Variants in ECT2 observed in about 807,000 individuals in gnomAD.
ECT2 encodes the protein epithelial cell transforming 2, also known as protein ECT2.
A neutral mutation model predicts 116.9 loss-of-function variants in ECT2; 61 were observed. The observed-to-expected ratio is 0.52, with a 90% CI of 0.42 to 0.65. The LOEUF is 0.65. Ranked by LOEUF, ECT2 falls within the 30% of genes least tolerant of loss-of-function variation. The pLI is 0.00. For synonymous variants in ECT2, 358 were observed against 346.4 expected (o/e 1.03, Z -0.37); for missense variants, 937 against 1,078.7 (o/e 0.87, Z 1.84).
chr3:172,758,719 T>C (rs1307618068), intron 5 of ECT2, among the ~76,000 whole-genome samples: 1 of 152,222 alleles, frequency 6.6e-6, no homozygotes, highest in Non-Finnish European at 1.5e-5. Context: ...GCATTTAATA[T>C]TTGTTTAATT....
At chr3:172,758,042 T>C (rs1210667473) in intron 5 of ECT2, among the ~76,000 whole-genome samples, 1 of 152,160 alleles carries the variant, frequency 6.6e-6, no homozygotes, top group Non-Finnish European at 1.5e-5. Flanking sequence ...CTATTTTTAG[T>C]AGAGACAGGA....
intron 20 of ECT2, among the ~76,000 whole-genome samples, chr3:172,803,520 C>A (rs1727101211): frequency 6.6e-6 from 1 of 151,748 alleles, no homozygotes; most frequent in Non-Finnish European, 1.5e-5. Context: ...TTTGTATTAC[C>A]CCTGCAAGCA....
intron 22 of ECT2, among the ~76,000 whole-genome samples, chr3:172,812,942 C>T (rs188764320): frequency 6.6e-6 from 1 of 152,134 alleles, no homozygotes; most frequent in African/African-American, 2.4e-5. Flanking sequence ...TGTGATCCCT[C>T]TACTATGAGA....
chr3:172,822,339 A>C (rs1326443565), downstream of ECT2, among the ~76,000 whole-genome samples: 1 of 151,994 alleles, frequency 6.6e-6, no homozygotes, highest in Non-Finnish European at 1.5e-5. Context: ...TCTAACAGAA[A>C]CATCAAGCAT....
intron 13 of ECT2, among the ~76,000 whole-genome samples, chr3:172,771,877 A>T (rs556383859): frequency 6.6e-6 from 1 of 152,330 alleles, no homozygotes; most frequent in East Asian, 1.9e-4. Context: ...TTTCGTAATG[A>T]CTAATGATGT....
In ECT2 at chr3:172,813,080, AC is replaced by A. The variant is rs540798526; in HGVS notation, c.2401-2522del. On this transcript the variant is annotated intron_variant, in intron 22 of 24. Coordinates refer to ENST00000392692, the MANE Select transcript of ECT2 (RefSeq NM_001258315.2). Reference sequence around the variant, plus strand: ...ATATTCAGTTGTTTTACAAACGATTACCTAGATAGTTCACAAGAACCAACCA... The same window carrying A: ...ATATTCAGTTGTTTTACAAACGATTACTAGATAGTTCACAAGAACCAACCA... 1.1e-3 allele frequency among the ~76,000 whole-genome samples: 161 copies of A among 152,228 alleles called. 2 individuals are homozygous for A. The highest frequency in any genetic ancestry group is 9.2e-3 in the Admixed American group (140 of 15,278).
chr3:172,820,032 CTTAA>C, intron 24 of ECT2, 112 bp from the exon 25 acceptor site: 1 of 653,348 alleles, frequency 1.5e-6, no homozygotes, highest in Non-Finnish European at 2.5e-6. Flanking sequence ...ATGTCTTGTA[CTTAA>C]TTGTTACAGT....
At chr3:172,764,241 A>T in intron 11 of ECT2, 37 bp from the exon 12 acceptor site, 1 of 1,560,660 alleles carries the variant, frequency 6.4e-7, no homozygotes, top group South Asian at 1.1e-5. Flanking sequence ...GTAAAGAACC[A>T]TGGAAGTAAA....
chr3:172,804,089 C>T (rs1383318580), intron 20 of ECT2, among the ~76,000 whole-genome samples: 2 of 152,142 alleles, frequency 1.3e-5, no homozygotes, highest in African/African-American at 4.8e-5. Flanking sequence ...GGATTACAGG[C>T]GTGAGCCACT....
At chr3:172,794,570 C>A (rs1216901808) in intron 18 of ECT2, among the ~76,000 whole-genome samples, 1 of 152,106 alleles carries the variant, frequency 6.6e-6, no homozygotes, top group Non-Finnish European at 1.5e-5. Flanking sequence ...TTTCACTATT[C>A]TGAGTTCCAT....
the ECT2 span, chr3:172,829,016 C>T: frequency 1.9e-5 from 17 of 886,534 alleles, no homozygotes; most frequent in Non-Finnish European, 3.0e-5. Flanking sequence ...GTCTGGAACT[C>T]CTGTCTGGCC....
At chr3:172,815,911 C>T (rs772428812) in intron 23 of ECT2, among the ~76,000 whole-genome samples, 200 bp downstream of exon 23, 6 of 152,262 alleles carry the variant, frequency 3.9e-5, no homozygotes, top group Middle Eastern at 3.4e-3. Flanking sequence ...TTATCCCTCC[C>T]GTTACTGTAA....
In ECT2 at chr3:172,802,935, CAG is replaced by C; in HGVS notation, c.2064_2065del (p.Gly689ArgfsTer10). On this transcript the variant is annotated frameshift_variant, in exon 20 of 25. Coordinates refer to ENST00000392692, the MANE Select transcript of ECT2 (RefSeq NM_001258315.2). LOFTEE classifies it high-confidence loss of function. Reference sequence around the variant, plus strand: ...TTTCTCTAGGTGAGCACCCCTGTGACAGAGGAGAACAAGTAACTCTCTTCCTC... The same window carrying C: ...TTTCTCTAGGTGAGCACCCCTGTGACAGGAGAACAAGTAACTCTCTTCCTC... ...TISLGEHPCDRGEQVTLFLFN... is the reference protein window; with the variant it reads ...TISLGEHPCDXGEQVTLFLFN... The C allele has an allele frequency of 6.2e-7, 1 of 1,613,090 alleles. No homozygotes were observed. Among genetic ancestry groups the C allele is most frequent in the Non-Finnish European group, 8.5e-7 (1 of 1,179,508 alleles).
chr3:172,801,936 AC>A (rs1477112256), intron 18 of ECT2, among the ~76,000 whole-genome samples: 1 of 152,226 alleles, frequency 6.6e-6, no homozygotes, highest in Non-Finnish European at 1.5e-5. Flanking sequence ...GGTAAGACTT[AC>A]ATAAAACCTT....
intron 21 of ECT2, among the ~76,000 whole-genome samples, chr3:172,807,211 T>C (rs1727926674): frequency 6.6e-6 from 1 of 152,196 alleles, no homozygotes; most frequent in Non-Finnish European, 1.5e-5. Flanking sequence ...GTGTAAATGC[T>C]GTGTAAACAG....
intron 18 of ECT2, among the ~76,000 whole-genome samples, chr3:172,793,090 A>G (rs908489401): frequency 7.9e-5 from 12 of 152,194 alleles, no homozygotes; most frequent in African/African-American, 2.9e-4. Context: ...TCCCATCAAC[A>G]GTGTGTGGTG....
At chr3:172,827,896 C>CT in the ECT2 span, among the ~76,000 whole-genome samples, 3 of 152,088 alleles carry the variant, frequency 2.0e-5, no homozygotes, top group Admixed American at 6.6e-5. Flanking sequence ...TGTCTTTCCA[C>CT]TTTTTTAAGA....
chr3:172,796,983 T>C (rs990877355), intron 18 of ECT2, among the ~76,000 whole-genome samples: 3 of 150,292 alleles, frequency 2.0e-5, no homozygotes, highest in African/African-American at 7.4e-5. Context: ...AGCATTTTCC[T>C]TTTGAAGTTT....
At chr3:172,792,609 A>G (rs971712940) in intron 18 of ECT2, among the ~76,000 whole-genome samples, 1 of 152,204 alleles carries the variant, frequency 6.6e-6, no homozygotes, top group Non-Finnish European at 1.5e-5. Context: ...TGGCTCTTCC[A>G]AGTAAAGCTG....
Sources: gnomAD v4.1 joint callset for allele counts (sites outside exome capture counted in the v4.1 genomes callset) on GRCh38, gnomAD v4.1.1 for gene constraint, MANE v1.5 for transcripts, NCBI Gene and HGNC (gene_info 2026-07-23, HGNC 2026-07-21) for gene names.